ASAP1: variants seen among roughly 807,000 people sequenced by gnomAD.
ASAP1 encodes ArfGAP with SH3 domain, ankyrin repeat and PH domain 1, also known as arf-GAP with SH3 domain, ANK repeat and PH domain-containing protein 1.
ASAP1 carries 43 observed loss-of-function variants against 145.2 expected under a neutral mutation model. The ratio of observed to expected loss-of-function variants is 0.30; its 90% CI spans 0.23 to 0.38. The LOEUF is 0.38. ASAP1 is among the 10% of genes least tolerant of loss of function. The probability of loss-of-function intolerance (pLI) is 1.00; values close to 1 mark genes in which losing one functional copy is unlikely to be tolerated. For missense variants in ASAP1, 1,018 were observed against 1,355.3 expected (o/e 0.75, Z 3.91); for synonymous variants, 546 against 515.5 (o/e 1.06, Z -0.80).
In ASAP1 at chr8:130,052,735, G is replaced by GTTTTTTTTTTTTTTTTTT. The variant is rs5895032; in HGVS notation, c.*1995_*1996insAAAAAAAAAAAAAAAAAA. Reference sequence around the variant, plus strand: ...GCTTTTGTGTTTTTTTTTTGTTTTTGTTTTTTTTTTTTTTTTGAAAAAAAC... The same window carrying GTTTTTTTTTTTTTTTTTT: ...GCTTTTGTGTTTTTTTTTTGTTTTTGTTTTTTTTTTTTTTTTTTTTTTTTTTTTTTTTTTGAAAAAAAC... On this transcript the variant is annotated 3_prime_UTR_variant, in exon 30 of 30. Transcript: ENST00000518721. The GTTTTTTTTTTTTTTTTTT allele has an allele frequency of 2.5e-5, 3 of 122,130 alleles. No individual in the cohort carries two copies. The highest frequency in any genetic ancestry group is 2.4e-4 in the East Asian group (1 of 4,172). The allele number at this position is 122,130 out of a possible 1,614,324, so 7.6% of individuals were successfully genotyped here.
intron 3 of ASAP1, among the ~76,000 whole-genome samples, chr8:130,348,980 C>T (rs562405056): frequency 2.0e-5 from 3 of 152,310 alleles, no homozygotes; most frequent in Admixed American, 1.3e-4. Context: ...GAGGACTCGA[C>T]GAGTGGGGTG....
In ASAP1 at chr8:130,176,698, T is replaced by C. The variant is rs961548242; in HGVS notation, c.746+2566A>G. The stretch of plus-strand genomic sequence containing the variant: ...GATGTCTCTCTTCCTGTTTTTTTTT[T>C]TTTTCTTTTGAGACAGAGTTTTGCT... On this transcript the variant is annotated intron_variant, in intron 9 of 29. Coordinates refer to ENST00000518721, the MANE Select transcript of ASAP1 (RefSeq NM_018482.4). Among the ~76,000 whole-genome samples the C allele has an allele frequency of 2.7e-3, 415 of 152,030 alleles. 1 individual carries two copies. Among genetic ancestry groups the C allele is most frequent in the Non-Finnish European group, 4.5e-3 (305 of 67,974 alleles).
chr8:130,135,636 T>C lies in ASAP1; in HGVS notation c.1169-1292A>G, dbSNP rs149969317. ...TCACTGAACCTCTTGGAGTCTGAGT[T>C]TTTTCTTCTGTAAAATGGAAAACTG... On this transcript the variant is annotated intron_variant, in intron 14 of 29. Coordinates refer to ENST00000518721, the MANE Select transcript of ASAP1 (RefSeq NM_018482.4). 2.9e-3 allele frequency among the ~76,000 whole-genome samples: 441 copies of C among 152,334 alleles called. 1 individual carries two copies. Among genetic ancestry groups the C allele is most frequent in the African/African-American group, 0.01 (427 of 41,570 alleles).
At chr8:130,159,334 G>A (rs2097664438) in intron 12 of ASAP1, among the ~76,000 whole-genome samples, 1 of 151,938 alleles carries the variant, frequency 6.6e-6, no homozygotes, top group African/African-American at 2.4e-5. Flanking sequence ...GAATAAAAGG[G>A]TAGAGGGGCC....
intron 24 of ASAP1, among the ~76,000 whole-genome samples, chr8:130,099,554 CTTGTT>C (rs1716494610): frequency 6.6e-6 from 1 of 151,704 alleles, no homozygotes; most frequent in Non-Finnish European, 1.5e-5. Context: ...TTGAGCTTTT[CTTGTT>C]TTGTTTTAGC....
At chr8:130,069,881 T>C (rs1384532243) in intron 27 of ASAP1, among the ~76,000 whole-genome samples, 8 of 152,200 alleles carry the variant, frequency 5.3e-5, no homozygotes, top group Non-Finnish European at 1.0e-4. Context: ...GTCCTTTGGC[T>C]CAACCCTTGG....
intron 3 of ASAP1, among the ~76,000 whole-genome samples, chr8:130,255,208 G>A (rs1170583464): frequency 6.6e-6 from 1 of 152,022 alleles, no homozygotes; most frequent in Non-Finnish European, 1.5e-5. Flanking sequence ...AAGGCACTTA[G>A]GACACCTGGT....
chr8:130,291,840 C>T (rs1586766720), intron 3 of ASAP1, among the ~76,000 whole-genome samples: 2 of 152,156 alleles, frequency 1.3e-5, no homozygotes, highest in Admixed American at 6.5e-5. Flanking sequence ...GACAACTCTT[C>T]GGCTCCCTAA....
intron 28 of ASAP1, among the ~76,000 whole-genome samples, chr8:130,059,975 G>C (rs2097414404): frequency 6.6e-6 from 1 of 151,444 alleles, no homozygotes; most frequent in Admixed American, 6.6e-5. Flanking sequence ...CTACTCAGGA[G>C]GCTGAGGTAA....
chr8:130,252,106 C>A (rs1192261564), intron 3 of ASAP1, among the ~76,000 whole-genome samples: 1 of 152,084 alleles, frequency 6.6e-6, no homozygotes, highest in Non-Finnish European at 1.5e-5. Flanking sequence ...AATCCAACAA[C>A]AGTAAAATGG....
chr8:130,172,434 CAT>C (rs1231664171), intron 9 of ASAP1, among the ~76,000 whole-genome samples: 1 of 152,040 alleles, frequency 6.6e-6, no homozygotes, highest in Non-Finnish European at 1.5e-5. Context: ...CTGAAATAAA[CAT>C]TTTTTAAAAA....
chr8:130,152,044 T>C (rs1466033270), intron 13 of ASAP1, among the ~76,000 whole-genome samples: 2 of 152,218 alleles, frequency 1.3e-5, no homozygotes, highest in African/African-American at 4.8e-5. Flanking sequence ...CTGATAGATA[T>C]CTAAAGTCAG....
chr8:130,116,572 TAA>T, intron 22 of ASAP1, 104 bp downstream of exon 22: 1 of 971,046 alleles, frequency 1.0e-6, no homozygotes, highest in Non-Finnish European at 1.6e-6. Flanking sequence ...TAGCAAGTGT[TAA>T]AAAAAAATGA....
chr8:130,268,947 TGAGGGAGGAGGAGG>T (rs1328941978), intron 3 of ASAP1, among the ~76,000 whole-genome samples: 1 of 152,140 alleles, frequency 6.6e-6, no homozygotes, highest in African/African-American at 2.4e-5. Context: ...TAGTGAAATC[TGAGGGAGGAGGAGG>T]GAGGGTGGAG....
chr8:130,340,045 C>T (rs1323875472), intron 3 of ASAP1, among the ~76,000 whole-genome samples: 4 of 152,188 alleles, frequency 2.6e-5, no homozygotes, highest in Admixed American at 2.0e-4. Flanking sequence ...TACTGGGTCG[C>T]AGGCTTTGGA....
At chr8:130,314,518 G>A (rs911856070) in intron 3 of ASAP1, among the ~76,000 whole-genome samples, 1 of 152,200 alleles carries the variant, frequency 6.6e-6, no homozygotes, top group Admixed American at 6.5e-5. Context: ...AGGAGTTGAA[G>A]GCCCAGAAAT....
chr8:130,262,444 GAGAGAGAGAGA>G (rs1162261688), intron 3 of ASAP1, among the ~76,000 whole-genome samples: 3,130 of 129,214 alleles, frequency 0.024, 156 homozygotes, highest in South Asian at 0.08. Flanking sequence ...GAGAGAGAGA[GAGAGAGAGAGA>G]GAACCTGTGG....
intron 13 of ASAP1, among the ~76,000 whole-genome samples, chr8:130,140,891 G>A (rs1182201930): frequency 6.6e-6 from 1 of 152,224 alleles, no homozygotes; most frequent in African/African-American, 2.4e-5. Flanking sequence ...GGAGTGGTAT[G>A]TTCCACAGAA....
chr8:130,078,375 G>A (rs945447544), intron 26 of ASAP1, among the ~76,000 whole-genome samples: 2 of 152,176 alleles, frequency 1.3e-5, no homozygotes, highest in African/African-American at 4.8e-5. Context: ...ACTCACTGCA[G>A]CCTCAATTTC....
Sources: gnomAD v4.1 joint callset for allele counts (sites outside exome capture counted in the v4.1 genomes callset) on GRCh38, gnomAD v4.1.1 for gene constraint, MANE v1.5 for transcripts, NCBI Gene and HGNC (gene_info 2026-07-23, HGNC 2026-07-21) for gene names.